The following SND1 variants were observed in gnomAD, a reference collection of about 807,000 sequenced individuals.
SND1 encodes staphylococcal nuclease and tudor domain containing 1.
Under a neutral mutation model 121.7 loss-of-function variants are expected in SND1, and 38 were observed. That is an observed-to-expected ratio of 0.31 (90% confidence interval 0.24 to 0.41). The LOEUF (loss-of-function observed/expected upper bound fraction) is 0.41. Among genes scored for constraint, SND1 ranks in the 10% least tolerant of loss-of-function variants. The pLI is 1.00. For missense variants in SND1, 868 were observed against 1,184.6 expected (o/e 0.73, Z 3.92); for synonymous variants, 401 against 447.4 (o/e 0.90, Z 1.31).
chr7:127,768,944 A>G (rs771318418), intron 10 of SND1, among the ~76,000 whole-genome samples: 21 of 152,240 alleles, frequency 1.4e-4, no homozygotes, highest in Non-Finnish European at 2.8e-4. Flanking sequence ...TCAATATTTA[A>G]AGTTATTTCC....
chr7:127,834,426 C>G (rs1239599777), intron 11 of SND1, among the ~76,000 whole-genome samples: 1 of 152,140 alleles, frequency 6.6e-6, no homozygotes, highest in Admixed American at 6.5e-5. Context: ...TGTGCCTGTT[C>G]ACTGTTTTCC....
intron 10 of SND1, among the ~76,000 whole-genome samples, chr7:127,751,345 A>G (rs1359003817): frequency 2.6e-5 from 4 of 152,158 alleles, no homozygotes; most frequent in Non-Finnish European, 5.9e-5. Context: ...GTAGCCCATG[A>G]ATTAGGACAG....
intron 12 of SND1, chr7:127,857,924 C>T: frequency 7.3e-7 from 1 of 1,371,366 alleles, no homozygotes; most frequent in Admixed American, 1.7e-5. Context: ...CGGCAGTAAA[C>T]ACCATCAGGA....
intron 11 of SND1, among the ~76,000 whole-genome samples, chr7:127,811,723 T>C (rs1178506826): frequency 1.3e-5 from 2 of 152,192 alleles, no homozygotes; most frequent in African/African-American, 4.8e-5. Context: ...TCTGGGTAAA[T>C]GTGCTTCTGT....
intron 17 of SND1, among the ~76,000 whole-genome samples, chr7:128,075,217 G>A (rs1365493274): frequency 6.6e-6 from 1 of 152,250 alleles, no homozygotes; most frequent in Non-Finnish European, 1.5e-5. Context: ...GGTGGAAAGT[G>A]GCTTTTGGAA....
intron 10 of SND1, among the ~76,000 whole-genome samples, chr7:127,785,591 A>G (rs1299178172): frequency 1.3e-5 from 2 of 152,234 alleles, no homozygotes; most frequent in African/African-American, 4.8e-5. Flanking sequence ...TAGATGTTCG[A>G]TAGTCATGAA....
chr7:127,861,225 T>C (rs150739199), intron 12 of SND1, among the ~76,000 whole-genome samples: 1 of 152,340 alleles, frequency 6.6e-6, no homozygotes, highest in East Asian at 1.9e-4. Flanking sequence ...TTAAGAATTA[T>C]ATCATTTGGT....
chr7:128,089,893 G>A (rs1031733566), intron 22 of SND1: 14 of 575,666 alleles, frequency 2.4e-5, no homozygotes, highest in Non-Finnish European at 4.3e-5. Context: ...CTGCGGGTTT[G>A]GCTGAGAATG....
At chr7:127,893,728 C>T (rs1299461833) in intron 13 of SND1, among the ~76,000 whole-genome samples, 1 of 152,034 alleles carries the variant, frequency 6.6e-6, no homozygotes, top group Non-Finnish European at 1.5e-5. Context: ...CTATTTCTTG[C>T]CTGGCACACT....
At chr7:127,756,134 T>G (rs1224757295) in intron 10 of SND1, among the ~76,000 whole-genome samples, 1 of 152,230 alleles carries the variant, frequency 6.6e-6, no homozygotes, top group Non-Finnish European at 1.5e-5. Flanking sequence ...CTTTTGGTTG[T>G]TATAAACCAA....
intron 12 of SND1, among the ~76,000 whole-genome samples, chr7:127,876,442 AT>A (rs1337159602): frequency 6.6e-6 from 1 of 152,118 alleles, no homozygotes; most frequent in Non-Finnish European, 1.5e-5. Context: ...GAGTTCAGAG[AT>A]TTTTATACAG....
chr7:128,041,235 G>C (rs894669117), intron 16 of SND1, among the ~76,000 whole-genome samples: 5 of 152,102 alleles, frequency 3.3e-5, no homozygotes, highest in African/African-American at 1.2e-4. Context: ...AGGAGTTTGA[G>C]ATTAGCCTGG....
chr7:128,049,430 G>A (rs1242940517), intron 16 of SND1, among the ~76,000 whole-genome samples: 1 of 152,062 alleles, frequency 6.6e-6, no homozygotes, highest in Non-Finnish European at 1.5e-5. Flanking sequence ...TCCCGACAAG[G>A]ACAGTTTCCT....
At chr7:128,067,433 C>CA (rs1205362258) in intron 16 of SND1, among the ~76,000 whole-genome samples, 1 of 152,190 alleles carries the variant, frequency 6.6e-6, no homozygotes, top group Non-Finnish European at 1.5e-5. Flanking sequence ...ACTCTGATGT[C>CA]ACCTTCCCAC....
At chr7:128,088,214 C>T (rs1232010221) in intron 21 of SND1, among the ~76,000 whole-genome samples, 2 of 148,452 alleles carry the variant, frequency 1.3e-5, no homozygotes, top group Non-Finnish European at 3.0e-5. Context: ...GGAGGCCAAG[C>T]AGGGAGGACT....
At chr7:127,858,261 A>G (rs377759354) in intron 12 of SND1, 35 of 794,498 alleles carry the variant, frequency 4.4e-5, no homozygotes, top group African/African-American at 3.4e-4. Flanking sequence ...TGGTCGGCCA[A>G]TTCGGAGAGC....
chr7:127,904,097 C>G (rs1800286848), intron 13 of SND1, among the ~76,000 whole-genome samples: 1 of 152,186 alleles, frequency 6.6e-6, no homozygotes, highest in Non-Finnish European at 1.5e-5. Flanking sequence ...AGAGCTACCA[C>G]TCAGAGGACT....
chr7:127,740,390 A>T (rs978301669), intron 10 of SND1, among the ~76,000 whole-genome samples: 6 of 152,182 alleles, frequency 3.9e-5, no homozygotes, highest in African/African-American at 1.4e-4. Flanking sequence ...GAAATAAAAG[A>T]CTAATGAGAA....
At chr7:127,695,001 A>G in intron 3 of SND1, 53 bp downstream of exon 3, 1 of 1,587,738 alleles carries the variant, frequency 6.3e-7, no homozygotes, top group South Asian at 1.1e-5. Flanking sequence ...TCTGTTAAAG[A>G]TCAGTTTTCT....
Sources: gnomAD v4.1 joint callset for allele counts (sites outside exome capture counted in the v4.1 genomes callset) on GRCh38, gnomAD v4.1.1 for gene constraint, MANE v1.5 for transcripts, NCBI Gene and HGNC (gene_info 2026-07-23, HGNC 2026-07-21) for gene names.